Variants in ZNF562 observed in about 807,000 individuals in gnomAD.
ZNF562 encodes the protein zinc finger protein 562.
In ZNF562, 13 loss-of-function variants were observed where a neutral mutation model predicts 17.5. The ratio of observed to expected loss-of-function variants is 0.74; its 90% CI spans 0.48 to 1.18. The LOEUF is 1.18. Among genes scored for constraint, ZNF562 ranks in the 50% most tolerant of loss-of-function variants. ZNF562 has a pLI of 0.00. For missense variants in ZNF562, 481 were observed against 498.5 expected (o/e 0.96, Z 0.33); for synonymous variants, 163 against 165.4 (o/e 0.99, Z 0.11).
rs58199071 is a variant in ZNF562 at position 9,655,717 on chromosome 19, C to CTTTTTTTTTTTTTTT, written c.348+815_348+829dup. Reference sequence around the variant, plus strand: ...TTACAGGATTCACTTTCTTTTCTTTCTTTTTTTTTTTTTTTTTTTTTTTTT... The same window carrying CTTTTTTTTTTTTTTT: ...TTACAGGATTCACTTTCTTTTCTTTCTTTTTTTTTTTTTTTTTTTTTTTTTTTTTTTTTTTTTTTT... On this transcript the variant is annotated intron_variant, in intron 5 of 5. Transcript: ENST00000453372. 1.4e-3 allele frequency among the ~76,000 whole-genome samples: 67 copies of CTTTTTTTTTTTTTTT among 48,694 alleles called. 5 individuals are homozygous for CTTTTTTTTTTTTTTT. The highest frequency in any genetic ancestry group is 2.0e-3 in the Non-Finnish European group (56 of 28,152). The allele number at this position is 48,694 out of a possible 152,430, so 31.9% of individuals were successfully genotyped here.
At chr19:9,664,358 T>G (rs2043867466) in intron 1 of ZNF562, among the ~76,000 whole-genome samples, 1 of 152,246 alleles carries the variant, frequency 6.6e-6, no homozygotes, top group African/African-American at 2.4e-5. Context: ...TCACTTGTTT[T>G]AACGTTCCTT....
chr19:9,668,590 C>A (rs1168764874), intron 1 of ZNF562, among the ~76,000 whole-genome samples: 2 of 151,978 alleles, frequency 1.3e-5, no homozygotes, highest in African/African-American at 4.8e-5. Flanking sequence ...CAATGACATT[C>A]ATCGCAAAAA....
chr19:9,661,927 A>G (rs970729715), intron 1 of ZNF562, among the ~76,000 whole-genome samples: 2 of 152,076 alleles, frequency 1.3e-5, no homozygotes, highest in South Asian at 4.1e-4. Flanking sequence ...ACTGGATCTA[A>G]TTTTTTGCAT....
At position 9,653,792 on chromosome 19, in the gene ZNF562, A is replaced by T. The variant is rs778866941; in HGVS notation, c.438T>A (p.Ala146=). The change falls in exon 6 of 6, where the codon GCT becomes GCA. Residue 146 remains alanine (A), a synonymous_variant. Coordinates refer to ENST00000453372, the MANE Select transcript of ZNF562 (RefSeq NM_001130031.2). ...CCTCAAAAGTGTTCCCTCCATTCTG[A>T]GCTCTCATGTGTGTCTTAAGGCAAA... ...EQFCLKTHMR[A]QNGGNTFEGN... 34 of 1,613,794 alleles carry T rather than the reference A, an allele frequency of 2.1e-5. No homozygotes were observed. In the South Asian group the frequency reaches 3.7e-4, roughly 18 times the overall value.
At chr19:9,669,728 G>GCACACACACACACA (rs1456853171) in intron 1 of ZNF562, among the ~76,000 whole-genome samples, 1 of 84,808 alleles carries the variant, frequency 1.2e-5, no homozygotes, top group African/African-American at 4.6e-5. Context: ...GCGCGCGCGC[G>GCACACACACACACA]CGCGCGCACA....
intron 1 of ZNF562, among the ~76,000 whole-genome samples, chr19:9,668,703 C>T (rs1232473744): frequency 1.3e-5 from 2 of 152,126 alleles, no homozygotes; most frequent in African/African-American, 4.8e-5. Context: ...CACTGCCTTA[C>T]TTCAAAATAT....
At chr19:9,655,717 C>CTTTCTTT (rs2043447309) in intron 5 of ZNF562, among the ~76,000 whole-genome samples, 3 of 48,686 alleles carry the variant, frequency 6.2e-5, no homozygotes, top group African/African-American at 2.4e-4. Context: ...TCTTTTCTTT[C>CTTTCTTT]TTTTTTTTTT....
In ZNF562 at chr19:9,643,634, TGCAGTG is replaced by T. The variant is rs2074787553; in HGVS notation, c.*9309_*9314del. Reference sequence around the variant, plus strand: ...TCTTGCTCTGTTGCCCAGGCTGGAATGCAGTGGCATGATCTTGGCTCACTGCATTTT... The same window carrying T: ...TCTTGCTCTGTTGCCCAGGCTGGAATGCATGATCTTGGCTCACTGCATTTT... On this transcript the variant is annotated 3_prime_UTR_variant, in exon 6 of 6. Transcript: ENST00000453372. 1 of 150,954 alleles carries T rather than the reference TGCAGTG, an allele frequency of 6.6e-6. No individual in the cohort carries two copies. The highest frequency in any genetic ancestry group is 1.5e-5 in the Non-Finnish European group (1 of 67,862). 9.4% of individuals were successfully genotyped at this position (150,954 alleles called of 1,614,324 possible).
At chr19:9,661,124 A>T (rs541841949) in intron 1 of ZNF562, among the ~76,000 whole-genome samples, 2 of 152,264 alleles carry the variant, frequency 1.3e-5, no homozygotes, top group East Asian at 3.9e-4. Flanking sequence ...AACAGCTATC[A>T]TTACCTATAT....
In ZNF562 at chr19:9,656,538, G is replaced by A; in HGVS notation, c.348+9C>T. 1 of 1,612,446 alleles carries A rather than the reference G, an allele frequency of 6.2e-7. No individual in the cohort carries two copies. The highest frequency in any genetic ancestry group is 1.8e-4 in the Middle Eastern group (1 of 5,468). The stretch of plus-strand genomic sequence containing the variant: ...GAAGAAAAAAATAAGTATCCCTCAT[G>A]AATCTTACCATTTGTATCCCAGTGA... On this transcript the variant is annotated intron_variant, in intron 5 of 5. Transcript: ENST00000453372.
rs922034537 is a variant in ZNF562, at chr19:9,650,864, G to A, written c.*2085C>T. On this transcript the variant is annotated 3_prime_UTR_variant, in exon 6 of 6. Coordinates refer to ENST00000453372, the MANE Select transcript of ZNF562 (RefSeq NM_001130031.2). ...CCCAGCTACTGAGGGTGAGGCAGGA[G>A]AATCACTGGAACTCAGGAGGTGGAG... is the stretch of plus-strand genomic sequence containing the variant. The A allele has an allele frequency of 7.1e-6, 1 of 141,596 alleles. No individual in the cohort carries two copies. The highest frequency in any genetic ancestry group is 2.6e-5 in the African/African-American group (1 of 38,168). 8.8% of individuals were successfully genotyped at this position (141,596 alleles called of 1,614,324 possible).
intron 3 of ZNF562, among the ~76,000 whole-genome samples, chr19:9,658,664 A>T (rs1427403858): frequency 6.6e-6 from 1 of 152,014 alleles, no homozygotes; most frequent in Non-Finnish European, 1.5e-5. Context: ...AGTACTTTTT[A>T]AAAAAATTTT....
At chr19:9,670,240 AAAAAC>A (rs898106932) in intron 1 of ZNF562, among the ~76,000 whole-genome samples, 3 of 152,140 alleles carry the variant, frequency 2.0e-5, no homozygotes, top group Non-Finnish European at 4.4e-5. Context: ...CTATCTCAAA[AAAAAC>A]AAAACAAAAC....
intron 1 of ZNF562, among the ~76,000 whole-genome samples, chr19:9,669,716 GAGCGCGCGCGCGCGCGCGCACACA>G (rs1410012901): frequency 4.8e-5 from 4 of 83,982 alleles, no homozygotes; most frequent in African/African-American, 1.1e-4. Context: ...GCACGCGCGC[GAGCGCGCGCGCGCGCGCGCACACA>G]CACACACACA....
intron 3 of ZNF562, among the ~76,000 whole-genome samples, chr19:9,659,178 G>A (rs1332077568): frequency 3.3e-5 from 5 of 152,162 alleles, no homozygotes; most frequent in South Asian, 2.1e-4. Flanking sequence ...AGTAATTACC[G>A]AGCTACTGGA....
chr19:9,645,806 G>A lies in ZNF562; in HGVS notation c.*7143C>T, dbSNP rs2074802172. 1 of 152,154 alleles carries A rather than the reference G, an allele frequency of 6.6e-6. No individual in the cohort carries two copies. The highest frequency in any genetic ancestry group is 1.9e-4 in the East Asian group (1 of 5,202). The allele number at this position is 152,154 out of a possible 1,614,324, so 9.4% of individuals were successfully genotyped here. On this transcript the variant is annotated 3_prime_UTR_variant, in exon 6 of 6. Coordinates refer to ENST00000453372, the MANE Select transcript of ZNF562 (RefSeq NM_001130031.2). Reference sequence around the variant, plus strand: ...TTATTCAAACAGTGTAGTGCACTTAGTTAGAAAGAAAAGGTATTAAGGAAG... The same window carrying A: ...TTATTCAAACAGTGTAGTGCACTTAATTAGAAAGAAAAGGTATTAAGGAAG...
intron 1 of ZNF562, among the ~76,000 whole-genome samples, chr19:9,669,816 C>G (rs1018259648): frequency 6.6e-5 from 10 of 151,336 alleles, no homozygotes; most frequent in Admixed American, 1.3e-4. Context: ...AATCCCAGCT[C>G]TTTAGGAGGC....
At chr19:9,665,212 CTCTG>C (rs1449502260) in intron 1 of ZNF562, among the ~76,000 whole-genome samples, 1 of 140,964 alleles carries the variant, frequency 7.1e-6, no homozygotes, top group Non-Finnish European at 1.5e-5. Context: ...CAGAGCAAGA[CTCTG>C]TCTAAAAAAA....
rs2074805474 is a variant in ZNF562, at chr19:9,646,222, C to A, written c.*6727G>T. 1 of 151,974 alleles carries A rather than the reference C, an allele frequency of 6.6e-6. No homozygotes were observed. Among genetic ancestry groups the A allele is most frequent in the Non-Finnish European group, 1.5e-5 (1 of 68,026 alleles). The allele number at this position is 151,974 out of a possible 1,614,324, so 9.4% of individuals were successfully genotyped here. On this transcript the variant is annotated 3_prime_UTR_variant, in exon 6 of 6. Transcript: ENST00000453372. Reference sequence around the variant, plus strand: ...AAGTAGCTGGCATTACAGGCATGCACCACTAGGCACAGCTAATTTTGTATT... The same window carrying A: ...AAGTAGCTGGCATTACAGGCATGCAACACTAGGCACAGCTAATTTTGTATT...
Sources: gnomAD v4.1 joint callset for allele counts (sites outside exome capture counted in the v4.1 genomes callset) on GRCh38, gnomAD v4.1.1 for gene constraint, MANE v1.5 for transcripts, NCBI Gene and HGNC (gene_info 2026-07-23, HGNC 2026-07-21) for gene names.